PUS7: variants seen among roughly 807,000 people sequenced by gnomAD.
The protein encoded by PUS7 is pseudouridylate synthase 7 homolog.
PUS7 carries 48 observed loss-of-function variants against 79.8 expected under a neutral mutation model. The ratio of observed to expected loss-of-function variants is 0.60; its 90% CI spans 0.48 to 0.76. PUS7 has a LOEUF of 0.76. Among genes scored for constraint, PUS7 ranks in the 30% least tolerant of loss-of-function variants. The pLI, the probability that PUS7 is intolerant of heterozygous loss-of-function variation, is 0.00. For missense variants in PUS7, 729 were observed against 797.6 expected (o/e 0.91, Z 1.04); for synonymous variants, 286 against 272.2 (o/e 1.05, Z -0.50).
intron 5 of PUS7, among the ~76,000 whole-genome samples, chr7:105,497,796 G>A (rs1011314290): frequency 1.3e-5 from 2 of 152,152 alleles, no homozygotes; most frequent in African/African-American, 4.8e-5. Context: ...AAAAAAGGAG[G>A]AAGGATAAAT....
At chr7:105,499,922 A>C (rs544834047) in intron 5 of PUS7, among the ~76,000 whole-genome samples, 111 of 152,302 alleles carry the variant, frequency 7.3e-4, no homozygotes, top group Non-Finnish European at 1.3e-3. Flanking sequence ...CATGAACAAT[A>C]ATCTTTGGAT....
intron 11 of PUS7, 131 bp from the exon 12 acceptor site, chr7:105,468,594 T>C (rs1823754798): frequency 1.4e-6 from 1 of 728,874 alleles, no homozygotes; most frequent in Non-Finnish European, 2.1e-6. Context: ...CTAGGCTCAT[T>C]GTAGCCTCCA....
At chr7:105,472,848 G>A (rs748140298) in intron 9 of PUS7, among the ~76,000 whole-genome samples, 7 of 151,072 alleles carry the variant, frequency 4.6e-5, no homozygotes, top group Admixed American at 2.0e-4. Flanking sequence ...CTGCCTCCCG[G>A]TTTCACGCCA....
chr7:105,493,028 A>C (rs1434217437), intron 6 of PUS7, among the ~76,000 whole-genome samples: 1 of 152,248 alleles, frequency 6.6e-6, no homozygotes, highest in Non-Finnish European at 1.5e-5. Flanking sequence ...CCAGCAACAA[A>C]AAAGGCAACA....
intron 2 of PUS7, among the ~76,000 whole-genome samples, chr7:105,506,664 C>T (rs755855557): frequency 6.6e-5 from 10 of 152,120 alleles, no homozygotes; most frequent in Non-Finnish European, 1.2e-4. Context: ...CTCAAGTGAT[C>T]TGCCCATCTT....
At chr7:105,470,583 T>C (rs1207623530) in intron 11 of PUS7, 105 bp downstream of exon 11, 1 of 1,318,310 alleles carries the variant, frequency 7.6e-7, no homozygotes, top group Non-Finnish European at 1.0e-6. Flanking sequence ...AAAGGATCCT[T>C]ATTTACCTTC....
At chr7:105,472,061 T>TC in intron 10 of PUS7, 71 bp downstream of exon 10, 1 of 950,170 alleles carries the variant, frequency 1.1e-6, no homozygotes, top group Non-Finnish European at 1.6e-6. Context: ...CAAAAGCTTT[T>TC]ATTCAAAGCA....
At chr7:105,499,235 G>A (rs1451546390) in intron 5 of PUS7, among the ~76,000 whole-genome samples, 6 of 152,190 alleles carry the variant, frequency 3.9e-5, no homozygotes, top group African/African-American at 1.4e-4. Flanking sequence ...AGGAATGGAA[G>A]CAATGGTAGT....
intron 4 of PUS7, among the ~76,000 whole-genome samples, chr7:105,505,205 G>A (rs1825407739): frequency 6.6e-6 from 1 of 152,050 alleles, no homozygotes; most frequent in South Asian, 2.1e-4. Context: ...ATTTCGCCAT[G>A]TTGGCCAGGC....
intron 14 of PUS7, among the ~76,000 whole-genome samples, chr7:105,459,968 T>C (rs1289703560): frequency 1.3e-5 from 2 of 151,938 alleles, no homozygotes; most frequent in African/African-American, 4.8e-5. Flanking sequence ...AGACGGAGTC[T>C]CGCTCTGTCG....
intron 7 of PUS7, among the ~76,000 whole-genome samples, chr7:105,485,326 C>T (rs1324284471): frequency 2.0e-5 from 3 of 152,182 alleles, no homozygotes; most frequent in Middle Eastern, 3.2e-3. Context: ...TCTCCTGCCT[C>T]GGCCTCCCGA....
intron 6 of PUS7, 117 bp from the exon 7 acceptor site, chr7:105,491,734 G>A: frequency 1.6e-6 from 1 of 629,770 alleles, no homozygotes; most frequent in East Asian, 3.0e-5. Flanking sequence ...CACAGTAAGA[G>A]AAGAATGAGG....
chr7:105,482,217 C>A, intron 8 of PUS7, 95 bp downstream of exon 8: 1 of 1,411,086 alleles, frequency 7.1e-7, no homozygotes, highest in South Asian at 1.3e-5. Context: ...TCTGTTAGTA[C>A]CAGCTCACCA....
chr7:105,463,942 C>T (rs1823536769), intron 13 of PUS7, among the ~76,000 whole-genome samples: 1 of 152,108 alleles, frequency 6.6e-6, no homozygotes, highest in African/African-American at 2.4e-5. Context: ...TCAAGTTACT[C>T]ATAAAAAATA....
At chr7:105,492,883 TC>T (rs2133182763) in intron 6 of PUS7, among the ~76,000 whole-genome samples, 1 of 152,270 alleles carries the variant, frequency 6.6e-6, no homozygotes, top group Non-Finnish European at 1.5e-5. Flanking sequence ...CCTCAGGTGA[TC>T]CACCCGCCTC....
intron 1 of PUS7, 56 bp downstream of exon 1, chr7:105,521,996 T>TGGGGCC (rs1267243570): frequency 6.6e-6 from 1 of 151,202 alleles, no homozygotes; most frequent in African/African-American, 2.4e-5. Flanking sequence ...GGGCTGGGGC[T>TGGGGCC]GGGGCCAGGG....
Position 105,515,955 on chromosome 7 carries a change from G to A in PUS7, c.-33+6097C>T, listed in dbSNP as rs540114295. On this transcript the variant is annotated intron_variant, in intron 1 of 15. Transcript: ENST00000469408. ...CTCCTGAGTAGCTGGGATTACAGGC[G>A]CGTGCCACCAAGCCCAGCTAATTTT... Among the ~76,000 whole-genome samples the A allele has an allele frequency of 1.8e-3, 276 of 151,954 alleles. 3 individuals carry two copies. Among genetic ancestry groups the A allele is most frequent in the African/African-American group, 4.5e-3 (188 of 41,444 alleles).
chr7:105,496,218 T>TAGGGAG (rs1309951962), intron 5 of PUS7, among the ~76,000 whole-genome samples: 1 of 81,836 alleles, frequency 1.2e-5, no homozygotes, highest in Non-Finnish European at 2.2e-5. Context: ...TATATATATA[T>TAGGGAG]ATATATATAG....
intron 1 of PUS7, among the ~76,000 whole-genome samples, chr7:105,518,524 C>T (rs1459780284): frequency 6.6e-6 from 1 of 151,630 alleles, no homozygotes; most frequent in African/African-American, 2.4e-5. Flanking sequence ...ACTTCAGCCA[C>T]CCGAGTAACT....
Sources: gnomAD v4.1 joint callset for allele counts (sites outside exome capture counted in the v4.1 genomes callset) on GRCh38, gnomAD v4.1.1 for gene constraint, MANE v1.5 for transcripts, NCBI Gene and HGNC (gene_info 2026-07-23, HGNC 2026-07-21) for gene names.